LILRA6: variants seen among roughly 807,000 people sequenced by gnomAD.
The protein encoded by LILRA6 is leukocyte immunoglobulin-like receptor subfamily A member 6.
Under a neutral mutation model 53.9 loss-of-function variants are expected in LILRA6, and 16 were observed. The ratio of observed to expected loss-of-function variants is 0.30; its 90% CI spans 0.20 to 0.45. The LOEUF is 0.45. Ranked by LOEUF, LILRA6 falls within the 20% of genes least tolerant of loss-of-function variation. The pLI, the probability that LILRA6 is intolerant of heterozygous loss-of-function variation, is 1.00. For synonymous variants in LILRA6, 135 were observed against 256.4 expected, an observed-to-expected ratio of 0.53 and a Z score of 4.52; for missense variants, 306 against 618.6, an observed-to-expected ratio of 0.49 and a Z score of 5.36.
rs11670991 is a variant in LILRA6, at chr19:54,240,257, G to C, written c.1258+17C>G. On this transcript the variant is annotated intron_variant, in intron 6 of 7. Transcript: ENST00000396365. ...CTGAGCCTTTGAGCTCAGAGAGGAC[G>C]GGGTCAGCGCCCTCACCTGAGACCA... 6.3e-7 allele frequency: 1 copy of C among 1,584,932 alleles called. No individual in the cohort carries two copies. Among genetic ancestry groups the C allele is most frequent in the Non-Finnish European group, 8.5e-7 (1 of 1,170,612 alleles).
rs147389030 is a variant in LILRA6 at position 54,238,978 on chromosome 19, T to C, written c.1421A>G (p.Asn474Ser). The C allele has an allele frequency of 4.9e-5, 79 of 1,611,030 alleles. No homozygotes were observed. The Middle Eastern group carries it at 6.6e-4, about 13-fold the overall frequency. ...TCACCTCCCGGCTGCATCTTGGGGG[T>C]TTCTCTGGCTGTGCTGAGCCTCAAA... Residue 474 changes from asparagine (N) to serine (S), a missense_variant, in exon 8 of 8, where the codon AAC becomes AGC. Asn to Ser is a conservative substitution (Grantham distance 46). Around this residue, in one of 9 missense-constraint regions of LILRA6, gnomAD observed 59 missense variants for 58.6 expected, o/e 1.01. Coordinates refer to ENST00000396365, the Ensembl canonical transcript of LILRA6.
chr19:54,236,814 T>C (rs907827406), downstream of LILRA6: 3 of 150,786 alleles, frequency 2.0e-5, no homozygotes, highest in East Asian at 5.8e-4. Flanking sequence ...AAGAGGAGCA[T>C]GTTCTCACTC....
In LILRA6 at chr19:54,241,876, C is replaced by A. The variant is rs1132591; in HGVS notation, c.358G>T (p.Ala120Ser). ...GCTGAGAGGGTGGGTTTGCTATAGG[C>A]TCCTAGGAGAGAAAGAGGCACCATG... is the stretch of plus-strand genomic sequence containing the variant. The change falls in exon 4 of 8, where the codon GCC becomes TCC. Residue 120 changes from alanine (A) to serine (S), a missense_variant and splice_region_variant. Ala to Ser is a moderately conservative substitution (Grantham distance 99). Coordinates refer to ENST00000396365, the Ensembl canonical transcript of LILRA6. 15 of 1,292,156 alleles carry A rather than the reference C, an allele frequency of 1.2e-5. 2 individuals carry two copies. The highest frequency in any genetic ancestry group is 2.4e-4 in the Middle Eastern group (1 of 4,190). 80.0% of individuals were successfully genotyped at this position (1,292,156 alleles called of 1,614,324 possible). A position where few individuals can be genotyped will look rare whatever the true frequency, so the allele number is the denominator to read the frequency against.
rs2078792803 is a variant in LILRA6 at position 54,242,512 on chromosome 19, G to C, written c.70+7C>G. On this transcript the variant is annotated splice_region_variant and intron_variant, in intron 2 of 7. Coordinates refer to ENST00000396365, the Ensembl canonical transcript of LILRA6. ...GAGGGACCTGGGACAGCTGGGGACA[G>C]ACTCACCTGCCTGCACGTGGGTCCT... 8 of 1,080,428 alleles carry C rather than the reference G, an allele frequency of 7.4e-6. 3 individuals carry two copies. The highest frequency in any genetic ancestry group is 1.0e-5 in the Non-Finnish European group (8 of 786,226). The allele number at this position is 1,080,428 out of a possible 1,614,324, so 66.9% of individuals were successfully genotyped here.
downstream of LILRA6, chr19:54,236,704 G>T (rs2078646212): frequency 6.6e-6 from 1 of 151,002 alleles, no homozygotes; most frequent in Non-Finnish European, 1.5e-5. Flanking sequence ...TATACACAAT[G>T]AAATAATATT....
At position 54,239,170 on chromosome 19, in the gene LILRA6, A is replaced by AC. The variant is rs1282984480; in HGVS notation, c.1310-82dup. 4 of 1,591,790 alleles carry AC rather than the reference A, an allele frequency of 2.5e-6. No homozygotes were observed. In the Admixed American group the frequency reaches 5.3e-5, roughly 21 times the overall value. Reference sequence around the variant, plus strand: ...GACCCCTGGATGCCCAACCCAGGGCACCCCCCATCCGCCATTGACAGAACC... The same window carrying AC: ...GACCCCTGGATGCCCAACCCAGGGCACCCCCCCATCCGCCATTGACAGAACC... On this transcript the variant is annotated intron_variant, in intron 7 of 7. Coordinates refer to ENST00000396365, the Ensembl canonical transcript of LILRA6.
intron 7 of LILRA6, 38 bp from the exon 8 acceptor site, chr19:54,239,127 C>A (rs1569021635): frequency 6.2e-7 from 1 of 1,609,168 alleles, no homozygotes; most frequent in Non-Finnish European, 8.5e-7. Flanking sequence ...GAGGTCCGGG[C>A]AGATCAACTT....
chr19:54,239,611 AG>A, intron 7 of LILRA6: 3 of 1,246,414 alleles, frequency 2.4e-6, no homozygotes, highest in East Asian at 5.0e-5. Context: ...CACGAGCTCC[AG>A]GGAGTCACTG....
chr19:54,241,954 G>A, intron 3 of LILRA6, 72 bp downstream of exon 3: 1 of 1,246,966 alleles, frequency 8.0e-7, no homozygotes, highest in Non-Finnish European at 1.1e-6. Context: ...CTGTGAGAGG[G>A]AGACACCCCT....
intron 7 of LILRA6, chr19:54,239,321 T>C (rs2078685361): frequency 7.5e-7 from 1 of 1,340,090 alleles, no homozygotes; most frequent in Non-Finnish European, 1.0e-6. Context: ...GGCTCTGCGT[T>C]CTTATTCTTC....
intron 5 of LILRA6, 115 bp from the exon 6 acceptor site, chr19:54,240,691 C>G (rs2078733948): frequency 6.4e-7 from 1 of 1,568,082 alleles, no homozygotes; most frequent in Non-Finnish European, 8.6e-7. Context: ...TGAGTCTCGC[C>G]TCCCCGCCCA....
chr19:54,239,492 C>A, intron 7 of LILRA6: 1 of 649,454 alleles, frequency 1.5e-6, no homozygotes, highest in Middle Eastern at 3.5e-4. Context: ...GGGCTGGATT[C>A]TCCACCTTCA....
rs1302441547 is a variant in LILRA6, at chr19:54,242,481, A to G, written c.70+38T>C. On this transcript the variant is annotated intron_variant, in intron 2 of 7. Transcript: ENST00000396365. ...CCCATGTGTGGCCCTTGTCCCTAGT[A>G]AGGATGAGGGACCTGGGACAGCTGG... is the stretch of plus-strand genomic sequence containing the variant. The G allele has an allele frequency of 8.1e-3, 8,689 of 1,073,522 alleles. 3,106 individuals carry two copies. The African/African-American group carries it at 0.14, about 18-fold the overall frequency. 66.5% of individuals were successfully genotyped at this position (1,073,522 alleles called of 1,614,324 possible).
At chr19:54,239,611 A>C in intron 7 of LILRA6, 2 of 1,246,416 alleles carry the variant, frequency 1.6e-6, no homozygotes, top group Non-Finnish European at 2.2e-6. Context: ...CACGAGCTCC[A>C]GGGAGTCACT....
In LILRA6 at chr19:54,242,678, C is replaced by G. The variant is rs756311922; in HGVS notation, c.34+40G>C. 5 of 1,092,112 alleles carry G rather than the reference C, an allele frequency of 4.6e-6. 2 individuals are homozygous for G. The highest frequency in any genetic ancestry group is 6.2e-6 in the Non-Finnish European group (5 of 800,034). 67.7% of individuals were successfully genotyped at this position (1,092,112 alleles called of 1,614,324 possible). ...GGCTTGTGTGTGGGGTGGGGTTCCT[C>G]CAAGACTCAGATCTCCCCCTCCCCA... On this transcript the variant is annotated intron_variant, in intron 1 of 7. Coordinates refer to ENST00000396365, the Ensembl canonical transcript of LILRA6.
At chr19:54,239,821 G>C in intron 7 of LILRA6, 80 bp downstream of exon 7, 1 of 1,550,692 alleles carries the variant, frequency 6.4e-7, no homozygotes, top group Non-Finnish European at 8.7e-7. Context: ...CCGTCCTTGA[G>C]GGGAGGGGAG....
exon 4 of LILRA6, chr19:54,241,606 G>A: frequency 2.0e-6 from 3 of 1,486,702 alleles, no homozygotes; most frequent in Non-Finnish European, 1.8e-6. Flanking sequence ...GGGTCACTGG[G>A]GTGGGACCAC....
chr19:54,240,524 G>A lies in LILRA6; in HGVS notation c.1008C>T (p.Ala336=), dbSNP rs760507993. ...ACAGCAGGGTCACGTTCTCTCCTGAGGCCACTGTGGGGCCCGGCTGTGCTG... is the reference window on the plus strand; with the variant it reads ...ACAGCAGGGTCACGTTCTCTCCTGAAGCCACTGTGGGGCCCGGCTGTGCTG... The change falls in exon 6 of 8, where the codon GCC becomes GCT. Residue 336 remains alanine, a synonymous_variant. Transcript: ENST00000396365. The A allele has an allele frequency of 1.9e-6, 3 of 1,609,112 alleles. No individual in the cohort carries two copies. The South Asian group carries it at 3.4e-5, about 18-fold the overall frequency.
At chr19:54,241,657 T>C in exon 4 of LILRA6, 1 of 1,509,908 alleles carries the variant, frequency 6.6e-7, no homozygotes, top group African/African-American at 1.4e-5. Flanking sequence ...CATGTGAACC[T>C]CCACCTGTGG....
Sources: allele counts gnomAD v4.1 joint callset, GRCh38; gene constraint gnomAD v4.1.1; regional missense constraint gnomAD v4.1.1; transcripts MANE v1.5; gene names NCBI Gene and HGNC (gene_info 2026-07-23, HGNC 2026-07-21).